Variants in ITGA7 observed in about 807,000 individuals in gnomAD.
The protein encoded by ITGA7 is integrin subunit alpha 7, also known as integrin alpha-7.
Under a neutral mutation model 131.6 loss-of-function variants are expected in ITGA7, and 84 were observed. The ratio of observed to expected loss-of-function variants is 0.64; its 90% confidence interval spans 0.54 to 0.77. The LOEUF (loss-of-function observed/expected upper bound fraction) is 0.77. Among genes scored for constraint, ITGA7 ranks in the 30% least tolerant of loss-of-function variants. The pLI is 0.00. For synonymous variants in ITGA7, 548 were observed against 600.7 expected (o/e 0.91, Z 1.28); for missense variants, 1,399 against 1,482.9 (o/e 0.94, Z 0.93).
At chr12:55,716,227 C>T, upstream of ITGA7, 2 of 1,581,360 alleles carry the variant, frequency 1.3e-6, no homozygotes, top group Non-Finnish European at 1.7e-6. Flanking sequence ...GCCGTTTTCT[C>T]TTCGGCCGCG....
intron 24 of ITGA7, chr12:55,686,356 T>C: frequency 8.3e-7 from 1 of 1,200,944 alleles, no homozygotes; most frequent in South Asian, 1.3e-5. Context: ...AAGCAGAGGA[T>C]GGAAAGATTG....
Position 55,688,094 on chromosome 12 carries a change from G to A in ITGA7, c.3060C>T (p.Ile1020=). The A allele has an allele frequency of 6.2e-7, 1 of 1,614,172 alleles. No homozygotes were observed. The highest frequency in any genetic ancestry group is 1.1e-5 in the South Asian group (1 of 91,082). Residue 1020 remains isoleucine (I), a splice_region_variant and synonymous_variant, in exon 24 of 25, where the codon ATC becomes ATT. Transcript: ENST00000257879. ...NLMLRDASTV[I]PVMVYLDPMA... is the part of the protein sequence containing the mutation. ...TGGGGTCCAAGTATACCATCACTGG[G>A]ATCTGGGGAGCAAGGGGTCAATGGA...
At chr12:55,692,280 G>A (rs776227891) in intron 21 of ITGA7, among the ~76,000 whole-genome samples, 7 of 152,142 alleles carry the variant, frequency 4.6e-5, no homozygotes, top group African/African-American at 1.2e-4. Flanking sequence ...AGCCGGGTGT[G>A]GTGGCATGCA....
In ITGA7 at chr12:55,702,901, G is replaced by A. The variant is rs773647967; in HGVS notation, c.385C>T (p.Arg129Trp). 36 of 1,612,976 alleles carry A rather than the reference G, an allele frequency of 2.2e-5. No individual in the cohort carries two copies. Among genetic ancestry groups the A allele is most frequent in the Non-Finnish European group, 2.8e-5 (33 of 1,179,954 alleles). ...KENQWLGVSV[R>W]SQGPGGKIVT... The stretch of plus-strand genomic sequence containing the variant: ...ATCTTGCCCCCAGGCCCCTGGCTCC[G>A]AACACTGACTCCCAACCACTGGTTC... Residue 129 changes from arginine (R) to tryptophan (W), a missense_variant, in exon 3 of 25, where the codon CGG (arginine) becomes TGG (tryptophan). Arg to Trp is a moderately radical substitution (Grantham distance 101). Coordinates refer to ENST00000257879, the MANE Select transcript of ITGA7 (RefSeq NM_002206.3).
At chr12:55,704,310 G>A (rs951957667) in intron 1 of ITGA7, among the ~76,000 whole-genome samples, 3 of 152,230 alleles carry the variant, frequency 2.0e-5, no homozygotes, top group African/African-American at 7.2e-5. Context: ...GGGGAGGGCA[G>A]AGAGCCATTC....
At chr12:55,716,094 C>G (rs555408502), upstream of ITGA7, 1 of 1,591,112 alleles carries the variant, frequency 6.3e-7, no homozygotes, top group Admixed American at 1.8e-5. Context: ...CTTCCGGAGC[C>G]GGAGGGGGCC....
chr12:55,708,141 C>G (rs980647379), upstream of ITGA7: 7 of 663,462 alleles, frequency 1.1e-5, no homozygotes, highest in Non-Finnish European at 1.1e-5. Context: ...CCATCCCCAC[C>G]CCGGGAGTGG....
At position 55,697,059 on chromosome 12, in the gene ITGA7, T is replaced by G; in HGVS notation, c.1577A>C (p.Tyr526Ser). Residue 526 changes from tyrosine (Y) to serine (S), a missense_variant, in exon 12 of 25, where the codon TAT becomes TCT. Tyr to Ser is a moderately radical substitution (Grantham distance 144). Transcript: ENST00000257879. The stretch of plus-strand genomic sequence containing the variant: ...CCGGTCTGTGTCCGCATCTAACACA[T>G]AGTCCAGGGCTGTGGCATGTTGGGA... ...SSYSPTVALD[Y>S]VLDADTDRRL... The G allele has an allele frequency of 6.2e-7, 1 of 1,613,800 alleles. No homozygotes were observed. Among genetic ancestry groups the G allele is most frequent in the Non-Finnish European group, 8.5e-7 (1 of 1,179,872 alleles).
intron 14 of ITGA7, chr12:55,695,317 G>T: frequency 1.7e-6 from 1 of 605,756 alleles, no homozygotes; most frequent in Non-Finnish European, 2.9e-6. Flanking sequence ...GTACTGTGAA[G>T]GATTGCTATT....
intron 3 of ITGA7, among the ~76,000 whole-genome samples, chr12:55,701,668 C>A (rs1874054686): frequency 6.6e-6 from 1 of 151,996 alleles, no homozygotes; most frequent in Non-Finnish European, 1.5e-5. Context: ...GCAGCCTCGA[C>A]CTCCAGGGCT....
chr12:55,699,641 C>T (rs1213578063), intron 5 of ITGA7: 1 of 582,206 alleles, frequency 1.7e-6, no homozygotes, highest in Non-Finnish European at 3.1e-6. Flanking sequence ...GAATCTTCCT[C>T]CATGGAGACC....
Position 55,698,898 on chromosome 12 carries a change from C to A in ITGA7, c.810G>T (p.Gly270=), listed in dbSNP as rs3847675. The A allele has an allele frequency of 1.4e-4, 233 of 1,612,674 alleles. No individual in the cohort carries two copies. Among genetic ancestry groups the A allele is most frequent in the Non-Finnish European group, 1.9e-4 (226 of 1,179,382 alleles). Residue 270 remains glycine, a synonymous_variant, in exon 6 of 25, where the codon GGG becomes GGT. Transcript: ENST00000257879. ...NSYLGFSIDS[G]KGLVRAEELS... ...GCTCTTCTGCACGCACCAGACCTTT[C>A]CCCGAGTCAATAGAGAAGCCTGGGG...
chr12:55,699,775 G>A, intron 5 of ITGA7, 95 bp downstream of exon 5: 3 of 1,433,840 alleles, frequency 2.1e-6, no homozygotes, highest in Non-Finnish European at 2.9e-6. Context: ...TGTTGGGGGA[G>A]GAGGAGATTA....
upstream of ITGA7, among the ~76,000 whole-genome samples, chr12:55,714,309 G>C (rs575343798): frequency 7.9e-5 from 12 of 151,970 alleles, no homozygotes; most frequent in East Asian, 2.3e-3. Context: ...TCAGGAGATC[G>C]AGACCATCCC....
chr12:55,715,180 C>T (rs1256221986), upstream of ITGA7, among the ~76,000 whole-genome samples: 1 of 152,154 alleles, frequency 6.6e-6, no homozygotes, highest in Non-Finnish European at 1.5e-5. Context: ...TTTTATAAGC[C>T]TTGTGATTTC....
chr12:55,706,924 C>T (rs1271389995), intron 1 of ITGA7, among the ~76,000 whole-genome samples: 1 of 152,236 alleles, frequency 6.6e-6, no homozygotes. Flanking sequence ...CAGATCCTCT[C>T]CCAATCTTCC....
At position 55,697,263 on chromosome 12, in the gene ITGA7, AC is replaced by A; in HGVS notation, c.1519del (p.Val507SerfsTer22). 6.3e-7 allele frequency: 1 copy of A among 1,596,138 alleles called. No homozygotes were observed. Among genetic ancestry groups the A allele is most frequent in the Non-Finnish European group, 8.5e-7 (1 of 1,171,494 alleles). On this transcript the variant is annotated frameshift_variant, in exon 11 of 25. Transcript: ENST00000257879. LOFTEE classifies it high-confidence loss of function. Reference sequence around the variant, plus strand: ...GGGGACTGCAATGTAGCTGAAACAGACCCTTAGGTCCACACTGCGGGGGCAA... The same window carrying A: ...GGGGACTGCAATGTAGCTGAAACAGACCTTAGGTCCACACTGCGGGGGCAA... Reference protein sequence around the residue: ...GGHSVCVDLRVCFSYIAVPSS... With the variant: ...GGHSVCVDLRXCFSYIAVPSS...
Position 55,701,091 on chromosome 12 carries a change from T to C in ITGA7, c.478A>G (p.Ile160Val), listed in dbSNP as rs775224804. 1.3e-5 allele frequency: 21 copies of C among 1,614,060 alleles called. No individual in the cohort carries two copies. Among genetic ancestry groups the C allele is most frequent in the Middle Eastern group, 3.3e-4 (2 of 6,084 alleles). ...TGGCTGAGCACAAAGCAGCGACCAATCATATCCCGCGTCTCCAGGATCTGG... is the reference window on the plus strand; with the variant it reads ...TGGCTGAGCACAAAGCAGCGACCAACCATATCCCGCGTCTCCAGGATCTGG... The part of the protein sequence containing the change: ...VDQILETRDM[I>V]GRCFVLSQDL... Residue 160 changes from isoleucine to valine, a missense_variant, in exon 4 of 25, where the codon ATT becomes GTT. Coordinates refer to ENST00000257879, the MANE Select transcript of ITGA7 (RefSeq NM_002206.3).
chr12:55,691,987 T>C (rs559566302), intron 21 of ITGA7, among the ~76,000 whole-genome samples: 2 of 152,296 alleles, frequency 1.3e-5, no homozygotes, highest in African/African-American at 4.8e-5. Flanking sequence ...TGTGCGGATC[T>C]GCTCAATACC....
Sources: allele counts gnomAD v4.1 joint callset (sites outside exome capture counted in the v4.1 genomes callset), GRCh38; gene constraint gnomAD v4.1.1; transcripts MANE v1.5; gene names NCBI Gene and HGNC (gene_info 2026-07-23, HGNC 2026-07-21).